The following HIVEP2 variants were observed in gnomAD, a reference collection of about 807,000 sequenced individuals.
The protein encoded by HIVEP2 is HIVEP zinc finger 2, also known as transcription factor HIVEP2.
In HIVEP2, 14 loss-of-function variants were observed where a neutral mutation model predicts 180.7. The observed-to-expected ratio is 0.08, with a 90% CI of 0.05 to 0.12. The LOEUF (loss-of-function observed/expected upper bound fraction) is 0.12. Among genes scored for constraint, HIVEP2 ranks in the 10% least tolerant of loss-of-function variants. The probability of loss-of-function intolerance (pLI) is 1.00; values close to 1 mark genes in which losing one functional copy is unlikely to be tolerated. For missense variants in HIVEP2, 2,579 were observed against 3,008.5 expected, an observed-to-expected ratio of 0.86 and a Z score of 3.34; for synonymous variants, 1,184 against 1,136.4, an observed-to-expected ratio of 1.04 and a Z score of -0.84.
chr6:142,863,625 G>A (rs1227195628), intron 1 of HIVEP2, among the ~76,000 whole-genome samples: 2 of 152,184 alleles, frequency 1.3e-5, no homozygotes, highest in African/African-American at 4.8e-5. Flanking sequence ...AATAAGTTTA[G>A]AGAAGAGGTC....
chr6:142,767,922 C>T (rs997589734), intron 6 of HIVEP2, among the ~76,000 whole-genome samples: 7 of 152,178 alleles, frequency 4.6e-5, no homozygotes, highest in African/African-American at 1.7e-4. Flanking sequence ...CTGGTGAAAT[C>T]CCATTAAAGC....
At chr6:142,783,303 A>T (rs1206239817) in intron 3 of HIVEP2, among the ~76,000 whole-genome samples, 1 of 127,938 alleles carries the variant, frequency 7.8e-6, no homozygotes. Context: ...ACTCCAGCCT[A>T]GCGACAGAGC....
intron 3 of HIVEP2, among the ~76,000 whole-genome samples, chr6:142,778,008 T>G (rs971556023): frequency 4.6e-5 from 7 of 152,152 alleles, no homozygotes; most frequent in African/African-American, 1.7e-4. Context: ...GTAAGTCTTT[T>G]GGGTGAGAAA....
At chr6:142,912,096 A>G (rs761704339) in intron 1 of HIVEP2, among the ~76,000 whole-genome samples, 1 of 152,238 alleles carries the variant, frequency 6.6e-6, no homozygotes, top group South Asian at 2.1e-4. Flanking sequence ...GGCACTAGCC[A>G]TATGTGGCTG....
intron 2 of HIVEP2, among the ~76,000 whole-genome samples, chr6:142,821,941 C>T (rs1777051849): frequency 1.3e-5 from 2 of 152,176 alleles, no homozygotes; most frequent in African/African-American, 4.8e-5. Context: ...GGGAGAAAGC[C>T]ACCACAGACC....
chr6:142,751,820 T>C lies in HIVEP2; in HGVS notation c.*1287A>G, dbSNP rs1170115688. On this transcript the variant is annotated 3_prime_UTR_variant, in exon 10 of 10. Transcript: ENST00000367603. Reference sequence around the variant, plus strand: ...GACACTCTTCCCCTATGAAAAAGGGTAAGGTGACCTCCCCTAACACAGATG... The same window carrying C: ...GACACTCTTCCCCTATGAAAAAGGGCAAGGTGACCTCCCCTAACACAGATG... The C allele has an allele frequency of 6.6e-6, 1 of 152,578 alleles. No individual in the cohort carries two copies. The highest frequency in any genetic ancestry group is 1.5e-5 in the Non-Finnish European group (1 of 68,022). The allele number at this position is 152,578 out of a possible 1,614,324, so 9.5% of individuals were successfully genotyped here.
intron 1 of HIVEP2, among the ~76,000 whole-genome samples, chr6:142,889,906 T>C (rs1776811946): frequency 1.3e-5 from 2 of 152,310 alleles, no homozygotes; most frequent in South Asian, 4.1e-4. Flanking sequence ...ACTGAGAAAC[T>C]GATTTTTCAA....
At chr6:142,924,743 G>C (rs1014406915) in intron 1 of HIVEP2, among the ~76,000 whole-genome samples, 1 of 152,176 alleles carries the variant, frequency 6.6e-6, no homozygotes, top group South Asian at 2.1e-4. Context: ...AAGGTACTGG[G>C]TTTGGATTAA....
chr6:142,859,871 AAAG>A (rs1338253690), intron 1 of HIVEP2, among the ~76,000 whole-genome samples: 2 of 151,268 alleles, frequency 1.3e-5, no homozygotes, highest in African/African-American at 4.9e-5. Context: ...AAAGAAAGAA[AAAG>A]AAAAAAAAGA....
chr6:142,784,989 G>A (rs952231173), intron 2 of HIVEP2, among the ~76,000 whole-genome samples: 2 of 151,914 alleles, frequency 1.3e-5, no homozygotes, highest in African/African-American at 4.8e-5. Context: ...CCGGGTTCAC[G>A]CCATTCTCCT....
chr6:142,804,952 CCA>C (rs1283695622), intron 2 of HIVEP2, among the ~76,000 whole-genome samples: 3 of 151,884 alleles, frequency 2.0e-5, no homozygotes, highest in African/African-American at 7.3e-5. Flanking sequence ...ATTCCACAGG[CCA>C]TGGCCACAAA....
rs1029082718 is a variant in HIVEP2, at chr6:142,753,141, T to C, written c.7307A>G (p.Lys2436Arg). 1 of 1,611,360 alleles carries C rather than the reference T, an allele frequency of 6.2e-7. No individual in the cohort carries two copies. The highest frequency in any genetic ancestry group is 8.5e-7 in the Non-Finnish European group (1 of 1,177,558). Residue 2436 changes from lysine (K) to arginine (R), a missense_variant, in exon 10 of 10, where the codon AAA becomes AGA. Lys to Arg is a conservative substitution (Grantham distance 26). Around this residue, in one of 11 missense-constraint regions of HIVEP2, gnomAD observed 660 missense variants for 731.7 expected, o/e 0.90. Coordinates refer to ENST00000367603, the MANE Select transcript of HIVEP2 (RefSeq NM_006734.4). ...CTGACTCTTTTCTGATGAAGGATCT[T>C]TGCTTTCCTCTGTGCTTGAAGATAA... ...KELSSSTEES[K>R]DPSSEKSQLH
chr6:142,834,034 A>G (rs1775160794), intron 2 of HIVEP2, among the ~76,000 whole-genome samples: 1 of 152,224 alleles, frequency 6.6e-6, no homozygotes, highest in South Asian at 2.1e-4. Context: ...TCTACTCTGA[A>G]TGATCTGTGA....
In HIVEP2 at chr6:142,753,371, C is replaced by T; in HGVS notation, c.7077G>A (p.Gln2359=). ...TAACATGTGCACTTCCCAGGGGGTT[C>T]TGGTGGGGCTCCTGCACCCGCGCTG... ...DQPARVQEPH[Q]NPLGSAHVSI... The change falls in exon 10 of 10, where the codon CAG becomes CAA. Residue 2359 remains glutamine (Q), a synonymous_variant. Transcript: ENST00000367603. 6.2e-7 allele frequency: 1 copy of T among 1,614,064 alleles called. No homozygotes were observed. Among genetic ancestry groups the T allele is most frequent in the Non-Finnish European group, 8.5e-7 (1 of 1,180,036 alleles).
intron 2 of HIVEP2, among the ~76,000 whole-genome samples, chr6:142,801,413 C>CA (rs10569495): frequency 0.05 from 5,092 of 102,760 alleles, 335 homozygotes; most frequent in African/African-American, 0.15. Context: ...GACTCTGTCT[C>CA]AAAAAAAAAA....
At chr6:142,827,767 A>G (rs958054681) in intron 2 of HIVEP2, among the ~76,000 whole-genome samples, 3 of 151,952 alleles carry the variant, frequency 2.0e-5, no homozygotes, top group African/African-American at 7.2e-5. Context: ...ATAATCTGGG[A>G]GCCTAACATT....
At chr6:142,888,807 G>A (rs575871185) in intron 1 of HIVEP2, among the ~76,000 whole-genome samples, 4 of 152,110 alleles carry the variant, frequency 2.6e-5, no homozygotes, top group Admixed American at 6.5e-5. Context: ...TTCCACTGTC[G>A]TGACCTTAGT....
At chr6:142,907,674 G>T (rs1777301503) in intron 1 of HIVEP2, among the ~76,000 whole-genome samples, 1 of 152,188 alleles carries the variant, frequency 6.6e-6, no homozygotes, top group Admixed American at 6.5e-5. Context: ...CAAGAAGGGA[G>T]TGAAACCCCA....
intron 3 of HIVEP2, among the ~76,000 whole-genome samples, chr6:142,777,991 A>C (rs1775748896): frequency 6.6e-6 from 1 of 152,194 alleles, no homozygotes; most frequent in Non-Finnish European, 1.5e-5. Flanking sequence ...AAATTCCCAC[A>C]GGAACGGTAA....
Sources: gnomAD v4.1 joint callset for allele counts (sites outside exome capture counted in the v4.1 genomes callset) on GRCh38, gnomAD v4.1.1 for gene constraint, gnomAD v4.1.1 regional missense constraint, MANE v1.5 for transcripts, NCBI Gene and HGNC (gene_info 2026-07-23, HGNC 2026-07-21) for gene names.